ASPM: variants seen among roughly 807,000 people sequenced by gnomAD.
ASPM encodes the protein abnormal spindle-like microcephaly-associated protein.
A neutral mutation model predicts 366.4 loss-of-function variants in ASPM; 256 were observed. That is an observed-to-expected ratio of 0.70 (90% confidence interval 0.63 to 0.77). The LOEUF (loss-of-function observed/expected upper bound fraction) is 0.77, where lower values mean the gene tolerates loss of function less well. Among genes scored for constraint, ASPM ranks in the 30% least tolerant of loss-of-function variants. The pLI, the probability that ASPM is intolerant of heterozygous loss-of-function variation, is 0.00. For missense variants in ASPM, 4,146 were observed against 4,090.4 expected, an observed-to-expected ratio of 1.01 and a Z score of -0.37; for synonymous variants, 1,414 against 1,342.9, an observed-to-expected ratio of 1.05 and a Z score of -1.16.
In ASPM at chr1:197,095,744, T is replaced by A. The variant is rs1656949379; in HGVS notation, c.8987+254A>T. ...GTCTCTGTCCTTACTCTAATCCTTA[T>A]GAACCTGAATTAATCAAGTATATAA... On this transcript the variant is annotated intron_variant, in intron 19 of 27. Transcript: ENST00000367409. Among the ~76,000 whole-genome samples the A allele has an allele frequency of 2.9e-5, 4 of 138,914 alleles. No individual in the cohort carries two copies. The Admixed American group carries it at 3.2e-4, about 11-fold the overall frequency. 91.1% of individuals were successfully genotyped at this position (138,914 alleles called of 152,430 possible).
intron 17 of ASPM, among the ~76,000 whole-genome samples, chr1:197,106,081 C>T (rs186879060): frequency 3.3e-5 from 5 of 152,100 alleles, no homozygotes; most frequent in African/African-American, 9.6e-5. Flanking sequence ...CTGGGTACCT[C>T]GCTCTCCTAT....
rs892874541 is a variant in ASPM at position 197,135,348 on chromosome 1, C to T, written c.2027-106G>A. 2.5e-5 allele frequency: 29 copies of T among 1,153,836 alleles called. No homozygotes were observed. The African/African-American group carries it at 4.3e-4, about 17-fold the overall frequency. The allele number at this position is 1,153,836 out of a possible 1,614,324, so 71.5% of individuals were successfully genotyped here. A position where few individuals can be genotyped will look rare whatever the true frequency, so the allele number is the denominator to read the frequency against. The stretch of plus-strand genomic sequence containing the variant: ...GCAATACCATCTTTAAAACACTGAA[C>T]AATATTTGCTTTTCTACTACTTGCA... On this transcript the variant is annotated intron_variant, in intron 4 of 27. Coordinates refer to ENST00000367409, the MANE Select transcript of ASPM (RefSeq NM_018136.5).
chr1:197,120,355 T>C (rs1657870314), intron 16 of ASPM, among the ~76,000 whole-genome samples: 1 of 151,648 alleles, frequency 6.6e-6, no homozygotes, highest in Admixed American at 6.6e-5. Context: ...TGGGGTGAAA[T>C]CCTGTCTCTA....
rs750288481 is a variant in ASPM, at chr1:197,130,038, T to C, written c.2506A>G (p.Ile836Val). 4.3e-6 allele frequency: 7 copies of C among 1,613,758 alleles called. No homozygotes were observed. The highest frequency in any genetic ancestry group is 1.7e-5 in the Admixed American group (1 of 59,992). The change falls in exon 8 of 28, where the codon ATA becomes GTA. Residue 836 changes from isoleucine to valine, a missense_variant. Ile to Val is a conservative substitution (Grantham distance 29). Transcript: ENST00000367409. ...ACATCACTGTTATCTTCCAAAGATA[T>C]GAGTTCTCCATAAGTTGTCTGAAAA... The part of the protein sequence containing the change: ...IGLETTYGEL[I>V]SLEDNSDVTG...
intron 17 of ASPM, among the ~76,000 whole-genome samples, chr1:197,114,056 G>A (rs558883969): frequency 9.4e-5 from 14 of 148,502 alleles, no homozygotes; most frequent in Admixed American, 5.4e-4. Context: ...GGCATATCTC[G>A]AAGATATTGT....
intron 1 of ASPM, among the ~76,000 whole-genome samples, chr1:197,144,885 A>G (rs986691930): frequency 2.0e-5 from 3 of 152,218 alleles, no homozygotes; most frequent in Non-Finnish European, 4.4e-5. Flanking sequence ...ATCATAAACA[A>G]CTAATTTTAA....
chr1:197,146,351 G>A lies in ASPM; in HGVS notation c.87C>T (p.Ala29=), dbSNP rs376390944. 3 of 1,610,930 alleles carry A rather than the reference G, an allele frequency of 1.9e-6. No homozygotes were observed. The highest frequency in any genetic ancestry group is 1.3e-5 in the African/African-American group (1 of 74,828). ...RPPAGLRGPA[A]EEEASSPPVL... ...CCGGCGGGGAAGACGCCTCCTCCTC[G>A]GCCGCGGGGCCCCGCAGCCCCGCGG... The change falls in exon 1 of 28, where the codon GCC becomes GCT. Residue 29 remains alanine (A), a synonymous_variant. Transcript: ENST00000367409.
At chr1:197,134,183 A>G (rs926841164) in intron 5 of ASPM, among the ~76,000 whole-genome samples, 30 of 151,910 alleles carry the variant, frequency 2.0e-4, no homozygotes, top group Admixed American at 6.6e-4. Flanking sequence ...GAATTCCTCG[A>G]GCCTAGGAGT....
intron 12 of ASPM, among the ~76,000 whole-genome samples, 171 bp downstream of exon 12, chr1:197,124,699 A>G (rs1658028860): frequency 1.3e-5 from 2 of 149,504 alleles, no homozygotes; most frequent in Non-Finnish European, 3.0e-5. Context: ...ATATATATAT[A>G]TATACACATA....
chr1:197,088,158 T>G, intron 26 of ASPM, 98 bp downstream of exon 26: 1 of 1,339,246 alleles, frequency 7.5e-7, no homozygotes, highest in Non-Finnish European at 1.1e-6. Context: ...CATAAAACCC[T>G]ATTTTAGAGT....
chr1:197,124,311 T>G lies in ASPM; in HGVS notation c.3189A>C (p.Leu1063Phe). The G allele has an allele frequency of 6.3e-7, 1 of 1,580,730 alleles. No individual in the cohort carries two copies. Among genetic ancestry groups the G allele is most frequent in the Non-Finnish European group, 8.7e-7 (1 of 1,151,834 alleles). Residue 1063 changes from leucine (L) to phenylalanine (F), a missense_variant, in exon 13 of 28, where the codon TTA (leucine) becomes TTC (phenylalanine). By Grantham distance (22) the Leu-to-Phe change is conservative. Around this residue, in one of 3 missense-constraint regions of ASPM, gnomAD observed 3,624 missense variants for 3,591.7 expected, o/e 1.01. Coordinates refer to ENST00000367409, the MANE Select transcript of ASPM (RefSeq NM_018136.5). ...FAFQVDISLN[L>F]DQLKEEIAFL... ...AGGCAATTTCTTCCTTTAATTGATC[T>G]AAGTTAAGGGAAATATCCACCTAAA... is the stretch of plus-strand genomic sequence containing the variant.
intron 6 of ASPM, 141 bp from the exon 7 acceptor site, chr1:197,132,493 G>C: frequency 2.9e-6 from 2 of 686,696 alleles, no homozygotes; most frequent in Non-Finnish European, 2.5e-6. Context: ...TACACTTATA[G>C]TCTTAAATAT....
rs776523167 is a variant in ASPM, at chr1:197,105,042, A to G, written c.4209T>C (p.His1403=). Residue 1403 remains histidine, a synonymous_variant, in exon 18 of 28, where the codon CAT becomes CAC. Transcript: ENST00000367409. ...GTTTTCTTCTTAAATAAGCACGCCA[A>G]TGCCTCTGAATTGTAACTGTAGCCC... ...YLWATVTIQR[H]WRAYLRRKQD... is the part of the protein sequence containing the mutation. 3.1e-5 allele frequency: 50 copies of G among 1,610,110 alleles called. No homozygotes were observed. The Middle Eastern group carries it at 4.9e-4, about 16-fold the overall frequency.
In ASPM at chr1:197,100,694, G is replaced by C. The variant is rs150424130; in HGVS notation, c.8557C>G (p.Arg2853Gly). ...IQFFLQMAVYRRRFVQQKRAA... is the reference protein window; with the variant it reads ...IQFFLQMAVYGRRFVQQKRAA... ...CTTTTCTGCTGAACAAATCTTCTCC[G>C]ATACACAGCCATCTGAAGGAAGAAC... Residue 2853 changes from arginine to glycine, a missense_variant, in exon 18 of 28, where the codon CGG becomes GGG. Physicochemically the swap from Arg to Gly is moderately radical, Grantham distance 125. This residue lies in a region of ASPM where 3,624 missense variants were observed against 3,591.7 expected (regional missense o/e 1.01). Transcript: ENST00000367409. The C allele has an allele frequency of 9.3e-6, 15 of 1,612,168 alleles. No individual in the cohort carries two copies. Among genetic ancestry groups the C allele is most frequent in the Non-Finnish European group, 1.1e-5 (13 of 1,179,008 alleles).
chr1:197,093,050 AC>A lies in ASPM; in HGVS notation c.9294+1del. ...TGAGATATGCTACTTGAAAATACTTACTCTTTTTCGTACTAGCCAACCACGC... is the reference window on the plus strand; with the variant it reads ...TGAGATATGCTACTTGAAAATACTTATCTTTTTCGTACTAGCCAACCACGC... On this transcript the variant is annotated splice_donor_variant, in intron 21 of 27. Transcript: ENST00000367409. LOFTEE classifies it high-confidence loss of function. The A allele has an allele frequency of 6.3e-7, 1 of 1,595,924 alleles. No individual in the cohort carries two copies. The highest frequency in any genetic ancestry group is 1.1e-5 in the South Asian group (1 of 90,646).
rs148902984 is a variant in ASPM, at chr1:197,137,877, G to A, written c.2026+1890C>T. Among the ~76,000 whole-genome samples the A allele has an allele frequency of 7.3e-3, 1,115 of 152,208 alleles. 13 individuals are homozygous for A. Among genetic ancestry groups the A allele is most frequent in the African/African-American group, 0.025 (1,059 of 41,530 alleles). ...AACTCATGGCTTCTCATTGTACTCT[G>A]ATTTTCTCTAGCTTTTGAATTCTTT... On this transcript the variant is annotated intron_variant, in intron 4 of 27. Coordinates refer to ENST00000367409, the MANE Select transcript of ASPM (RefSeq NM_018136.5).
rs41304245 is a variant in ASPM, at chr1:197,142,318, A to C, written c.1921+13T>G. 1,062 of 1,612,572 alleles carry C rather than the reference A, an allele frequency of 6.6e-4. 2 individuals carry two copies. Among genetic ancestry groups the C allele is most frequent in the Non-Finnish European group, 8.8e-4 (1,034 of 1,178,884 alleles). ...ACAGGTATACTTCAGTAGATTTTAT[A>C]AACAAGACTCACCAGTTTTCTTCTT... is the stretch of plus-strand genomic sequence containing the variant. On this transcript the variant is annotated intron_variant, in intron 3 of 27. Transcript: ENST00000367409.
chr1:197,090,872 G>T lies in ASPM; in HGVS notation c.9614C>A (p.Thr3205Asn). The T allele has an allele frequency of 6.2e-7, 1 of 1,613,020 alleles. No homozygotes were observed. ...TACCTGAATTTTAATGATTCCACTA[G>T]TGAATTTTTCCTGCTTTTTACGGAG... The part of the protein sequence containing the change: ...FLLRKKQEKF[T>N]SGIIKIQALW... The change falls in exon 23 of 28, where the codon ACT (threonine) becomes AAT (asparagine). Residue 3205 changes from threonine to asparagine, a missense_variant. Thr to Asn is a moderately conservative substitution (Grantham distance 65). Coordinates refer to ENST00000367409, the MANE Select transcript of ASPM (RefSeq NM_018136.5).
In ASPM at chr1:197,100,511, T is replaced by C. The variant is rs1467804868; in HGVS notation, c.8740A>G (p.Ile2914Val). The C allele has an allele frequency of 1.2e-6, 2 of 1,610,696 alleles. No homozygotes were observed. Among genetic ancestry groups the C allele is most frequent in the Non-Finnish European group, 1.7e-6 (2 of 1,177,894 alleles). The change falls in exon 18 of 28, where the codon ATC (isoleucine) becomes GTC (valine). Residue 2914 changes from isoleucine to valine, a missense_variant. Physicochemically the swap from Ile to Val is conservative, Grantham distance 29 (BLOSUM62 3). Around this residue, in one of 3 missense-constraint regions of ASPM, gnomAD observed 3,624 missense variants for 3,591.7 expected, o/e 1.01. Transcript: ENST00000367409. ...CCTTTACTTCTAGCTTGAATAATGA[T>C]AACACTGCTTCTGATCTGTAAATAG... Reference protein sequence around the residue: ...QVYLQIRSSVIIIQARSKGFI... With the variant: ...QVYLQIRSSVVIIQARSKGFI...
Sources: gnomAD v4.1 joint callset for allele counts (sites outside exome capture counted in the v4.1 genomes callset) on GRCh38, gnomAD v4.1.1 for gene constraint, gnomAD v4.1.1 regional missense constraint, MANE v1.5 for transcripts, NCBI Gene and HGNC (gene_info 2026-07-23, HGNC 2026-07-21) for gene names.